NQO2: variants seen among roughly 807,000 people sequenced by gnomAD.
NQO2 encodes the protein N-ribosyldihydronicotinamide:quinone dehydrogenase 2.
In NQO2, 18 loss-of-function variants were observed where a neutral mutation model predicts 22.0. That is an observed-to-expected ratio of 0.82 (90% CI 0.56 to 1.21). The LOEUF is 1.21. NQO2 is among the 50% of genes most tolerant of loss of function. NQO2 has a pLI of 0.00. For missense variants in NQO2, 267 were observed against 286.9 expected (o/e 0.93, Z 0.50); for synonymous variants, 106 against 110.8 (o/e 0.96, Z 0.28).
intron 4 of NQO2, among the ~76,000 whole-genome samples, chr6:3,013,101 G>A (rs1418272468): frequency 6.6e-6 from 1 of 151,480 alleles, no homozygotes; most frequent in Admixed American, 6.6e-5. Flanking sequence ...GACTACAGGC[G>A]CCCGCCACCA....
intron 6 of NQO2, 98 bp downstream of exon 6, chr6:3,017,083 T>G: frequency 7.2e-7 from 1 of 1,380,796 alleles, no homozygotes; most frequent in Non-Finnish European, 1.0e-6. Context: ...CACACATACA[T>G]GCCCTCAGCT....
chr6:3,014,046 G>A (rs1581331828), intron 4 of NQO2, among the ~76,000 whole-genome samples: 1 of 152,210 alleles, frequency 6.6e-6, no homozygotes, highest in African/African-American at 2.4e-5. Flanking sequence ...TTGAGGATGC[G>A]GAGTGGGCAG....
At chr6:3,018,788 A>C (rs1757426999) in intron 6 of NQO2, among the ~76,000 whole-genome samples, 1 of 151,660 alleles carries the variant, frequency 6.6e-6, no homozygotes, top group African/African-American at 2.4e-5. Flanking sequence ...CTGGTCTCTT[A>C]TGTGTCATTA....
chr6:3,019,250 A>G (rs1467383462), intron 6 of NQO2: 3 of 529,398 alleles, frequency 5.7e-6, no homozygotes, highest in Non-Finnish European at 7.2e-6. Flanking sequence ...TTGCAGTTAT[A>G]AAAATAGAGC....
chr6:3,010,145 A>G lies in NQO2; in HGVS notation c.128A>G (p.Tyr43Cys), dbSNP rs369582099. 21 of 1,613,900 alleles carry G rather than the reference A, an allele frequency of 1.3e-5. No homozygotes were observed. The highest frequency in any genetic ancestry group is 1.7e-5 in the Non-Finnish European group (20 of 1,179,956). ...QGCTVTVSDLYAMNLEPRATD... is the reference protein window; with the variant it reads ...QGCTVTVSDLCAMNLEPRATD... Reference sequence around the variant, plus strand: ...TGCACCGTCACAGTGTCTGATTTGTATGCCATGAACCTTGAGCCGAGGGCC... The same window carrying G: ...TGCACCGTCACAGTGTCTGATTTGTGTGCCATGAACCTTGAGCCGAGGGCC... Residue 43 changes from tyrosine to cysteine, a missense_variant, in exon 3 of 7, where the codon TAT becomes TGT. By Grantham distance (194) the Tyr-to-Cys change is radical (BLOSUM62 -2). Coordinates refer to ENST00000380455, the MANE Select transcript of NQO2 (RefSeq NM_000904.6).
chr6:3,016,602 G>A (rs56277840), intron 5 of NQO2: 10,844 of 219,314 alleles, frequency 0.049, 441 homozygotes, highest in African/African-American at 0.12. Flanking sequence ...TCAGTGCCTC[G>A]GCCGTATCCA....
At chr6:3,012,355 C>T (rs1359873667) in intron 3 of NQO2, 189 bp from the exon 4 acceptor site, 1 of 983,918 alleles carries the variant, frequency 1.0e-6, no homozygotes, top group Admixed American at 6.1e-5. Context: ...GTAGCAAGTG[C>T]TCAATCAGCA....
chr6:3,016,498 G>A (rs9328136), intron 5 of NQO2, among the ~76,000 whole-genome samples: 56,758 of 150,922 alleles, frequency 0.38, 10,911 homozygotes, highest in South Asian at 0.45. Context: ...ATGCACGTAA[G>A]GGAAACATAC....
In NQO2 at chr6:3,019,722, G is replaced by A; in HGVS notation, c.*67G>A. ...GCCCAGGCGCAGGCAAAGAGAAGAT[G>A]GTGCTGTCATGAAATAAAATTACAA... On this transcript the variant is annotated 3_prime_UTR_variant, in exon 7 of 7. Transcript: ENST00000380455. 2.2e-6 allele frequency: 3 copies of A among 1,347,024 alleles called. No homozygotes were observed. Among genetic ancestry groups the A allele is most frequent in the South Asian group, 3.0e-5 (2 of 67,310 alleles). The allele number at this position is 1,347,024 out of a possible 1,614,324, so 83.4% of individuals were successfully genotyped here. A position where few individuals can be genotyped will look rare whatever the true frequency, so the allele number is the denominator to read the frequency against.
chr6:3,016,653 C>T (rs1757337453), intron 5 of NQO2: 1 of 687,774 alleles, frequency 1.5e-6, no homozygotes, highest in Non-Finnish European at 1.8e-6. Context: ...CACCAGCAAC[C>T]TGGGCATGTT....
At chr6:3,017,741 A>G (rs1483733600) in intron 6 of NQO2, among the ~76,000 whole-genome samples, 1 of 152,060 alleles carries the variant, frequency 6.6e-6, no homozygotes, top group Non-Finnish European at 1.5e-5. Context: ...GCTCCAGGGA[A>G]CCCAGAAACC....
chr6:3,017,947 C>T (rs1413650730), intron 6 of NQO2, among the ~76,000 whole-genome samples: 1 of 152,174 alleles, frequency 6.6e-6, no homozygotes, highest in African/African-American at 2.4e-5. Context: ...CAGTGCTCTT[C>T]ATATATCAGA....
chr6:3,008,789 C>T (rs921293871), intron 2 of NQO2, among the ~76,000 whole-genome samples: 13 of 152,054 alleles, frequency 8.5e-5, no homozygotes, highest in African/African-American at 2.7e-4. Flanking sequence ...CATCACATGT[C>T]GGCAGGTTCC....
At chr6:3,009,968 T>C in intron 2 of NQO2, 57 bp from the exon 3 acceptor site, 1 of 1,541,036 alleles carries the variant, frequency 6.5e-7, no homozygotes, top group Non-Finnish European at 8.8e-7. Flanking sequence ...TAGTCTTCAT[T>C]GAATTTAACA....
intron 2 of NQO2, among the ~76,000 whole-genome samples, chr6:3,009,321 G>A (rs1190419409): frequency 6.6e-6 from 1 of 152,242 alleles, no homozygotes. Context: ...GGCAGTGAGA[G>A]TTTAAGGTTA....
intron 1 of NQO2, among the ~76,000 whole-genome samples, chr6:3,005,486 A>T (rs1251170752): frequency 6.6e-6 from 1 of 152,082 alleles, no homozygotes; most frequent in South Asian, 2.1e-4. Flanking sequence ...CATTTCCCTA[A>T]TGATTAGTGA....
chr6:3,018,976 T>C (rs1237085544), intron 6 of NQO2, among the ~76,000 whole-genome samples: 1 of 135,316 alleles, frequency 7.4e-6, no homozygotes, highest in Non-Finnish European at 1.6e-5. Context: ...TCTTAGGGCC[T>C]ATATATTTTC....
chr6:3,005,720 G>A (rs932488156), intron 1 of NQO2: 1 of 985,322 alleles, frequency 1.0e-6, no homozygotes, highest in African/African-American at 1.7e-5. Context: ...GAGGCCAAAG[G>A]CTCCCCTGGG....
chr6:3,005,015 G>A lies in NQO2; in HGVS notation c.-85-1453G>A, dbSNP rs28383607. Among the ~76,000 whole-genome samples the A allele has an allele frequency of 8.4e-3, 1,277 of 152,064 alleles. 8 individuals carry two copies. Among genetic ancestry groups the A allele is most frequent in the South Asian group, 0.017 (81 of 4,810 alleles). ...TCGCCATGTTGGCCAGGCTGGTCTCGGACTCCTGACCTCAGGTAATCCACC... is the reference window on the plus strand; with the variant it reads ...TCGCCATGTTGGCCAGGCTGGTCTCAGACTCCTGACCTCAGGTAATCCACC... On this transcript the variant is annotated intron_variant, in intron 1 of 6. Coordinates refer to ENST00000380455, the MANE Select transcript of NQO2 (RefSeq NM_000904.6).
Sources: gnomAD v4.1 joint callset for allele counts (sites outside exome capture counted in the v4.1 genomes callset) on GRCh38, gnomAD v4.1.1 for gene constraint, MANE v1.5 for transcripts, NCBI Gene and HGNC (gene_info 2026-07-23, HGNC 2026-07-21) for gene names.